Variants in PCDHA3 observed in about 807,000 individuals in gnomAD.
PCDHA3 encodes the protein protocadherin alpha-3.
In PCDHA3, 41 loss-of-function variants were observed where a neutral mutation model predicts 62.2. The ratio of observed to expected loss-of-function variants is 0.66; its 90% CI spans 0.51 to 0.86. The LOEUF (loss-of-function observed/expected upper bound fraction) is 0.86, where lower values mean the gene tolerates loss of function less well. Among genes scored for constraint, PCDHA3 ranks in the 40% least tolerant of loss-of-function variants. PCDHA3 has a pLI of 0.00. For synonymous variants in PCDHA3, 640 were observed against 555.4 expected (o/e 1.15, Z -2.14); for missense variants, 1,304 against 1,241.2 (o/e 1.05, Z -0.76).
chr5:140,835,972 T>G (rs2150249264), intron 1 of PCDHA3: 2 of 1,613,340 alleles, frequency 1.2e-6, no homozygotes, highest in South Asian at 2.2e-5. Context: ...GAGCTGGAGC[T>G]GTTGCAGTTC....
At chr5:140,809,334 T>C (rs782036778) in intron 1 of PCDHA3, 6 of 1,614,092 alleles carry the variant, frequency 3.7e-6, no homozygotes, top group Non-Finnish European at 5.1e-6. Flanking sequence ...CTCACGCTGC[T>C]GCTGTACACC....
intron 1 of PCDHA3, chr5:140,870,439 G>C (rs374343977): frequency 6.2e-7 from 1 of 1,614,126 alleles, no homozygotes; most frequent in African/African-American, 1.3e-5. Flanking sequence ...GGAGGTGGCC[G>C]ACGTGAACGA....
At chr5:140,870,838 C>T (rs1554164743) in intron 1 of PCDHA3, 4 of 1,613,700 alleles carry the variant, frequency 2.5e-6, no homozygotes, top group Admixed American at 3.3e-5. Context: ...AGTTAACAAG[C>T]TAGTACCGCG....
chr5:140,938,293 C>T (rs896897734), intron 1 of PCDHA3, among the ~76,000 whole-genome samples: 2 of 152,110 alleles, frequency 1.3e-5, no homozygotes, highest in African/African-American at 4.8e-5. Flanking sequence ...CTGTCATTGC[C>T]TATGAAATTC....
At chr5:140,922,072 A>C (rs1390677282) in intron 1 of PCDHA3, among the ~76,000 whole-genome samples, 1 of 152,198 alleles carries the variant, frequency 6.6e-6, no homozygotes, top group East Asian at 1.9e-4. Context: ...AATCCCACTA[A>C]GCAAAAAGTG....
At chr5:140,919,376 CAT>C (rs1245050758) in intron 1 of PCDHA3, among the ~76,000 whole-genome samples, 1 of 152,192 alleles carries the variant, frequency 6.6e-6, no homozygotes, top group Non-Finnish European at 1.5e-5. Context: ...GCAGACAACA[CAT>C]AGTTGGATGT....
intron 1 of PCDHA3, chr5:140,866,524 A>G (rs1232306409): frequency 2.0e-5 from 3 of 152,186 alleles, no homozygotes; most frequent in Non-Finnish European, 2.9e-5. Context: ...AAGCCATGAT[A>G]GAGCAGAATT....
Position 141,009,639 on chromosome 5 carries a change from G to A in PCDHA3, c.2555G>A (p.Gly852Glu). The stretch of plus-strand genomic sequence containing the variant: ...TTTTGTCTTTCAGAACCAGAGGCAG[G>A]AGAAGTGTCCCCTCCAGTCGGTGCG... ...VSSATPEPEA[G>E]EVSPPVGAGV... The change falls in exon 4 of 4, where the codon GGA becomes GAA. Residue 852 changes from glycine to glutamate, a missense_variant. Transcript: ENST00000522353. The A allele has an allele frequency of 6.2e-7, 1 of 1,613,406 alleles. No individual in the cohort carries two copies. The highest frequency in any genetic ancestry group is 8.5e-7 in the Non-Finnish European group (1 of 1,179,594).
chr5:140,933,522 T>A (rs1399438253), intron 1 of PCDHA3, among the ~76,000 whole-genome samples: 3 of 152,066 alleles, frequency 2.0e-5, no homozygotes, highest in Non-Finnish European at 4.4e-5. Flanking sequence ...AGCTGTTTTG[T>A]TTAAACTCAA....
rs1562193632 is a variant in PCDHA3, at chr5:140,803,375, GC to G, written c.2180del (p.Pro727GlnfsTer86). Reference sequence around the variant, plus strand: ...ATACTGCTCTGCGGTGCTCCGCGCCGCCAACCGAAGGCGACTGTGGGCCGGG... The same window carrying G: ...ATACTGCTCTGCGGTGCTCCGCGCCGCAACCGAAGGCGACTGTGGGCCGGG... Reference protein sequence around the residue: ...LYTALRCSAPPTEGDCGPGKP... With the variant: ...LYTALRCSAPXTEGDCGPGKP... On this transcript the variant is annotated frameshift_variant, in exon 1 of 4. Transcript: ENST00000522353. LOFTEE classifies it high-confidence loss of function. 3.1e-6 allele frequency: 5 copies of G among 1,614,216 alleles called. 1 individual carries two copies. The South Asian group carries it at 5.5e-5, about 18-fold the overall frequency.
intron 1 of PCDHA3, among the ~76,000 whole-genome samples, chr5:140,942,906 G>C (rs1454697434): frequency 6.6e-6 from 1 of 151,800 alleles, no homozygotes; most frequent in African/African-American, 2.4e-5. Context: ...CTAAGAATAA[G>C]CGTGAAGAAA....
intron 1 of PCDHA3, among the ~76,000 whole-genome samples, chr5:140,905,764 A>G (rs2072069491): frequency 6.6e-6 from 1 of 152,144 alleles, no homozygotes; most frequent in African/African-American, 2.4e-5. Flanking sequence ...TTGGTTAAGT[A>G]TATTCCGAAG....
chr5:140,818,662 C>T (rs147553541), intron 1 of PCDHA3, among the ~76,000 whole-genome samples: 3 of 152,228 alleles, frequency 2.0e-5, no homozygotes, highest in African/African-American at 7.2e-5. Flanking sequence ...TATAGGGAGA[C>T]TCCATCTTTA....
At chr5:140,872,661 TA>T (rs1211452464) in intron 1 of PCDHA3, among the ~76,000 whole-genome samples, 12 of 152,166 alleles carry the variant, frequency 7.9e-5, no homozygotes, top group African/African-American at 2.9e-4. Flanking sequence ...ATTTGTCAAC[TA>T]TTGGATACTC....
At chr5:140,828,526 T>C in intron 1 of PCDHA3, 4 of 1,614,226 alleles carry the variant, frequency 2.5e-6, no homozygotes, top group Non-Finnish European at 3.4e-6. Context: ...TTTACGAATC[T>C]AGGCTGCCAG....
chr5:140,875,632 C>G, intron 1 of PCDHA3: 1 of 1,613,710 alleles, frequency 6.2e-7, no homozygotes, highest in Non-Finnish European at 8.5e-7. Flanking sequence ...GGACCTGGGG[C>G]TGGAGCTGGC....
chr5:140,899,752 A>G lies in PCDHA3; in HGVS notation c.2395-79197A>G, dbSNP rs190521600. On this transcript the variant is annotated intron_variant, in intron 1 of 3. Transcript: ENST00000522353. ...ATTGATTGGAATAGTTTCAGAAGGA[A>G]TGGTACCAGTTCCTCCTTTTACCTC... Among the ~76,000 whole-genome samples the G allele has an allele frequency of 4.0e-4, 61 of 152,320 alleles. No homozygotes were observed. The East Asian group carries it at 8.7e-3, about 22-fold the overall frequency.
chr5:140,921,131 C>A (rs532456439), intron 1 of PCDHA3, among the ~76,000 whole-genome samples: 1 of 133,054 alleles, frequency 7.5e-6, no homozygotes, highest in East Asian at 2.3e-4. Flanking sequence ...CAGGTGCACA[C>A]CACTACACCC....
chr5:141,009,654 C>T lies in PCDHA3; in HGVS notation c.2570C>T (p.Pro857Leu). 4 of 1,614,012 alleles carry T rather than the reference C, an allele frequency of 2.5e-6. No individual in the cohort carries two copies. The highest frequency in any genetic ancestry group is 3.4e-6 in the Non-Finnish European group (4 of 1,179,962). The change falls in exon 4 of 4, where the codon CCA becomes CTA. Residue 857 changes from proline to leucine, a missense_variant. Pro to Leu is a moderately conservative substitution (Grantham distance 98, BLOSUM62 -3). Coordinates refer to ENST00000522353, the MANE Select transcript of PCDHA3 (RefSeq NM_018906.3). ...CCAGAGGCAGGAGAAGTGTCCCCTC[C>T]AGTCGGTGCGGGTGTCAACAGCAAC... ...PEPEAGEVSP[P>L]VGAGVNSNSW...
Sources: allele counts gnomAD v4.1 joint callset (sites outside exome capture counted in the v4.1 genomes callset), GRCh38; gene constraint gnomAD v4.1.1; transcripts MANE v1.5; gene names NCBI Gene and HGNC (gene_info 2026-07-23, HGNC 2026-07-21).